Variants in DDB1 observed in about 807,000 individuals in gnomAD.
DDB1 encodes the protein DNA damage-binding protein 1.
A neutral mutation model predicts 133.1 loss-of-function variants in DDB1; 18 were observed. The ratio of observed to expected loss-of-function variants is 0.14; its 90% confidence interval spans 0.09 to 0.20. DDB1 has a LOEUF of 0.20. DDB1 is among the 10% of genes least tolerant of loss of function. The pLI, the probability that DDB1 is intolerant of heterozygous loss-of-function variation, is 1.00. For synonymous variants in DDB1, 580 were observed against 550.5 expected, an observed-to-expected ratio of 1.05 and a Z score of -0.75; for missense variants, 828 against 1,459.2, an observed-to-expected ratio of 0.57 and a Z score of 7.05.
At chr11:61,320,635 C>T (rs1856163421) in intron 10 of DDB1, among the ~76,000 whole-genome samples, 1 of 152,146 alleles carries the variant, frequency 6.6e-6, no homozygotes, top group Non-Finnish European at 1.5e-5. Context: ...AGCAATCCTC[C>T]TGCCTCAGCC....
chr11:61,329,547 C>T lies in DDB1; in HGVS notation c.365G>A (p.Gly122Asp). The change falls in exon 4 of 27, where the codon GGC (glycine) becomes GAC (aspartate). Residue 122 changes from glycine (G) to aspartate (D), a missense_variant. Around this residue, in one of 7 missense-constraint regions of DDB1, gnomAD observed 210 missense variants for 344.8 expected, o/e 0.61. Coordinates refer to ENST00000301764, the MANE Select transcript of DDB1 (RefSeq NM_001923.5). ...IGRPSETGII[G>D]IIDPECRMIG... is the part of the protein sequence containing the mutation. Reference sequence around the variant, plus strand: ...CATCCGGCACTCAGGGTCAATGATGCCAATAATGCCGGTCTCTGAGGGGCG... The same window carrying T: ...CATCCGGCACTCAGGGTCAATGATGTCAATAATGCCGGTCTCTGAGGGGCG... 1 of 1,614,018 alleles carries T rather than the reference C, an allele frequency of 6.2e-7. No individual in the cohort carries two copies. Among genetic ancestry groups the T allele is most frequent in the Non-Finnish European group, 8.5e-7 (1 of 1,179,968 alleles).
In DDB1 at chr11:61,310,238, G is replaced by T. The variant is rs553186063; in HGVS notation, c.2401+57C>A. On this transcript the variant is annotated intron_variant, in intron 19 of 26. Coordinates refer to ENST00000301764, the MANE Select transcript of DDB1 (RefSeq NM_001923.5). ...CAGGCTTTGCAGGTACCAGAGCCCA[G>T]AACAGCCTGGATTAGGGAGGGCGTA... 9 of 1,575,138 alleles carry T rather than the reference G, an allele frequency of 5.7e-6. No homozygotes were observed. The East Asian group carries it at 1.8e-4, about 31-fold the overall frequency.
Position 61,307,554 on chromosome 11 carries a change from TC to T in DDB1, c.2661+1428del, listed in dbSNP as rs28720340. 3.7e-3 allele frequency among the ~76,000 whole-genome samples: 558 copies of T among 152,350 alleles called. 5 individuals carry two copies. The highest frequency in any genetic ancestry group is 0.013 in the African/African-American group (541 of 41,578). Reference sequence around the variant, plus strand: ...CCCTATCTCTGAAATGCTGGACAGCTCCTAGGGCTATCTTCAGATCCTGTCT... The same window carrying T: ...CCCTATCTCTGAAATGCTGGACAGCTCTAGGGCTATCTTCAGATCCTGTCT... On this transcript the variant is annotated intron_variant, in intron 21 of 26. Transcript: ENST00000301764.
At chr11:61,317,454 T>C (rs951004041) in intron 10 of DDB1, among the ~76,000 whole-genome samples, 7 of 152,188 alleles carry the variant, frequency 4.6e-5, no homozygotes, top group Non-Finnish European at 1.0e-4. Flanking sequence ...CTATTTTAAA[T>C]TTGGGATTGG....
At chr11:61,312,176 G>A in intron 16 of DDB1, 92 bp from the exon 17 acceptor site, 1 of 1,094,930 alleles carries the variant, frequency 9.1e-7, no homozygotes, top group Non-Finnish European at 1.4e-6. Context: ...AACAAGGCAG[G>A]ATTACACCAG....
chr11:61,320,834 C>T (rs951710592), intron 10 of DDB1, among the ~76,000 whole-genome samples: 1 of 151,588 alleles, frequency 6.6e-6, no homozygotes, highest in African/African-American at 2.4e-5. Context: ...TTCTGTCATA[C>T]TGTTTTAGGT....
chr11:61,309,563 C>T (rs1400534325), intron 20 of DDB1, among the ~76,000 whole-genome samples: 2 of 152,110 alleles, frequency 1.3e-5, no homozygotes, highest in East Asian at 3.9e-4. Flanking sequence ...CCACCCCTCC[C>T]TTTTGTTCTT....
intron 25 of DDB1, 166 bp from the exon 26 acceptor site, chr11:61,301,098 T>A: frequency 2.1e-6 from 2 of 974,330 alleles, no homozygotes; most frequent in African/African-American, 1.6e-5. Context: ...GAAAAAAATG[T>A]AAAAATATGA....
rs1448595583 is a variant in DDB1, at chr11:61,314,392, G to A, written c.1505C>T (p.Ser502Phe). The change falls in exon 13 of 27, where the codon TCC (serine) becomes TTC (phenylalanine). Residue 502 changes from serine (S) to phenylalanine (F), a missense_variant. Coordinates refer to ENST00000301764, the MANE Select transcript of DDB1 (RefSeq NM_001923.5). ...EPQAKNISVA[S>F]CNSSQVVVAV... ...CACCACCACCTGGCTGCTATTGCAG[G>A]AGGCCACACTGATGTTCTTGGCCTG... 6.2e-7 allele frequency: 1 copy of A among 1,614,264 alleles called. No individual in the cohort carries two copies. Among genetic ancestry groups the A allele is most frequent in the South Asian group, 1.1e-5 (1 of 91,088 alleles).
At chr11:61,307,793 C>A (rs1855900695) in intron 21 of DDB1, among the ~76,000 whole-genome samples, 1 of 149,118 alleles carries the variant, frequency 6.7e-6, no homozygotes, top group South Asian at 2.1e-4. Flanking sequence ...TCTTTCCCAT[C>A]AGTAAATGGC....
chr11:61,317,456 T>C lies in DDB1; in HGVS notation c.1226-889A>G, dbSNP rs1352651659. Among the ~76,000 whole-genome samples, 3 of 152,318 alleles carry C rather than the reference T, an allele frequency of 2.0e-5. No homozygotes were observed. The East Asian group carries it at 5.8e-4, about 29-fold the overall frequency. ...AGCTGTTTTGAGCCTATTTTAAATT[T>C]GGGATTGGATATACATTTCCATGAC... On this transcript the variant is annotated intron_variant, in intron 10 of 26. Transcript: ENST00000301764.
intron 5 of DDB1, chr11:61,326,207 T>C (rs1856267416): frequency 1.8e-5 from 4 of 223,030 alleles, no homozygotes; most frequent in South Asian, 6.4e-5. Flanking sequence ...GCCTGGATTC[T>C]AGCCCAGACT....
At chr11:61,322,243 GAC>G (rs1265719521) in intron 9 of DDB1, 51 bp downstream of exon 9, 19 of 1,381,674 alleles carry the variant, frequency 1.4e-5, no homozygotes, top group African/African-American at 1.1e-4. Flanking sequence ...TAGCTAGGAG[GAC>G]ACAGTTTGAG....
In DDB1 at chr11:61,316,610, C is replaced by T. The variant is rs575550534; in HGVS notation, c.1226-43G>A. 103 of 1,599,670 alleles carry T rather than the reference C, an allele frequency of 6.4e-5. 4 individuals are homozygous for T. In the South Asian group the frequency reaches 1.1e-3, roughly 17 times the overall value. On this transcript the variant is annotated intron_variant, in intron 10 of 26. Transcript: ENST00000301764. The stretch of plus-strand genomic sequence containing the variant: ...GATTCAGATGCATAGGACAGACCAA[C>T]ACTTAGCATGCATATCTACGGACAG...
chr11:61,332,972 G>A lies in DDB1; in HGVS notation c.-4C>T. 6.6e-7 allele frequency: 1 copy of A among 1,506,868 alleles called. No individual in the cohort carries two copies. The allele number at this position is 1,506,868 out of a possible 1,614,324, so 93.3% of individuals were successfully genotyped here. On this transcript the variant is annotated 5_prime_UTR_variant, in exon 1 of 27. Coordinates refer to ENST00000301764, the MANE Select transcript of DDB1 (RefSeq NM_001923.5). ...TTACCACGTAGTTGTACGACATGTCGAGGCTTGGAGCGGCCCGTCGGGACT... is the reference window on the plus strand; with the variant it reads ...TTACCACGTAGTTGTACGACATGTCAAGGCTTGGAGCGGCCCGTCGGGACT...
chr11:61,331,493 C>A, intron 2 of DDB1, 50 bp downstream of exon 2: 1 of 1,592,606 alleles, frequency 6.3e-7, no homozygotes, highest in Non-Finnish European at 8.6e-7. Context: ...ATAAAACAAC[C>A]TACGACCAAC....
chr11:61,300,457 T>C (rs1178389445), intron 26 of DDB1, among the ~76,000 whole-genome samples: 1 of 152,182 alleles, frequency 6.6e-6, no homozygotes, highest in Non-Finnish European at 1.5e-5. Context: ...CCATCTCCAG[T>C]GAGCAATATC....
In DDB1 at chr11:61,300,114, C is replaced by A. The variant is rs759244080; in HGVS notation, c.*22G>T. On this transcript the variant is annotated 3_prime_UTR_variant, in exon 27 of 27. Transcript: ENST00000301764. The stretch of plus-strand genomic sequence containing the variant: ...GGGCAAAGCCTTTGGGGAGGGTCAG[C>A]AAAGGGGCCCCCTGCCCTTGGCTAA... 2 of 1,613,496 alleles carry A rather than the reference C, an allele frequency of 1.2e-6. No individual in the cohort carries two copies. The highest frequency in any genetic ancestry group is 3.3e-5 in the Admixed American group (2 of 59,994).
chr11:61,329,744 T>G (rs1856334584), intron 3 of DDB1, among the ~76,000 whole-genome samples, 160 bp from the exon 4 acceptor site: 1 of 152,192 alleles, frequency 6.6e-6, no homozygotes, highest in Non-Finnish European at 1.5e-5. Context: ...GTGCATGCCT[T>G]TTTCATGAAA....
Sources: gnomAD v4.1 joint callset for allele counts (sites outside exome capture counted in the v4.1 genomes callset) on GRCh38, gnomAD v4.1.1 for gene constraint, gnomAD v4.1.1 regional missense constraint, MANE v1.5 for transcripts, NCBI Gene and HGNC (gene_info 2026-07-23, HGNC 2026-07-21) for gene names.